Variants in ZSCAN29 observed in about 807,000 individuals in gnomAD.
ZSCAN29 encodes zinc finger and SCAN domain containing 29.
A neutral mutation model predicts 71.9 loss-of-function variants in ZSCAN29; 55 were observed. The observed-to-expected ratio is 0.76, with a 90% CI of 0.62 to 0.96. The LOEUF is 0.96. ZSCAN29 is among the 40% of genes least tolerant of loss of function. The pLI is 0.00. For missense variants in ZSCAN29, 1,042 were observed against 1,042.2 expected (o/e 1.00, Z 0.00); for synonymous variants, 351 against 371.6 (o/e 0.94, Z 0.64).
chr15:43,361,998 G>A (rs1238367101), intron 5 of ZSCAN29, 57 bp from the exon 6 acceptor site: 2 of 1,526,618 alleles, frequency 1.3e-6, no homozygotes, highest in African/African-American at 2.8e-5. Context: ...TGTGCCACAG[G>A]AATGTAAAAC....
Position 43,361,045 on chromosome 15 carries a change from C to G in ZSCAN29, c.*28G>C. The G allele has an allele frequency of 6.5e-7, 1 of 1,544,022 alleles. No individual in the cohort carries two copies. Among genetic ancestry groups the G allele is most frequent in the Non-Finnish European group, 8.7e-7 (1 of 1,146,300 alleles). Reference sequence around the variant, plus strand: ...CTTTCTAAACAATACATTTATTGAGCCTCTTTCCGTTATATATCCTCAGGG... The same window carrying G: ...CTTTCTAAACAATACATTTATTGAGGCTCTTTCCGTTATATATCCTCAGGG... On this transcript the variant is annotated 3_prime_UTR_variant, in exon 6 of 6. Coordinates refer to ENST00000684362, the MANE Select transcript of ZSCAN29 (RefSeq NM_001372080.1).
At position 43,368,918 on chromosome 15, in the gene ZSCAN29, C is replaced by T; in HGVS notation, c.523+5G>A. On this transcript the variant is annotated splice_donor_5th_base_variant and intron_variant, in intron 3 of 5. Coordinates refer to ENST00000684362, the MANE Select transcript of ZSCAN29 (RefSeq NM_001372080.1). ...TCTATCTTCCCATATGAATCTACTC[C>T]TCACCGCTCCTTTGAAAAGGTTTGA... 6.3e-7 allele frequency: 1 copy of T among 1,595,288 alleles called. No individual in the cohort carries two copies. The highest frequency in any genetic ancestry group is 8.5e-7 in the Non-Finnish European group (1 of 1,171,314).
At position 43,361,902 on chromosome 15, in the gene ZSCAN29, C is replaced by G; in HGVS notation, c.1730G>C (p.Arg577Pro). 1.9e-6 allele frequency: 3 copies of G among 1,613,074 alleles called. No individual in the cohort carries two copies. Among genetic ancestry groups the G allele is most frequent in the Non-Finnish European group, 2.5e-6 (3 of 1,179,598 alleles). The change falls in exon 6 of 6, where the codon CGG becomes CCG. Residue 577 changes from arginine to proline, a missense_variant. Transcript: ENST00000684362. The stretch of plus-strand genomic sequence containing the variant: ...CAGTTGTACTTCCTCAGAAATATCC[C>G]GTTTTGAATTATCTTCATTCTCAAA... ...AGFENEDNSK[R>P]DISEEVQLHR...
At position 43,369,097 on chromosome 15, in the gene ZSCAN29, G is replaced by A. The variant is rs779251291; in HGVS notation, c.349C>T (p.Arg117Cys). The part of the protein sequence containing the change: ...VTVSVKGQEV[R>C]LEKMTPPKSS... The stretch of plus-strand genomic sequence containing the variant: ...TTCGGGGGTGTCATCTTCTCCAAGC[G>A]CACTTCCTGCCCCTTCACAGAGACT... The change falls in exon 3 of 6, where the codon CGC (arginine) becomes TGC (cysteine). Residue 117 changes from arginine to cysteine, a missense_variant. Transcript: ENST00000684362. 3.1e-6 allele frequency: 5 copies of A among 1,591,720 alleles called. 1 individual carries two copies. In the South Asian group the frequency reaches 3.4e-5, roughly 11 times the overall value.
At position 43,369,874 on chromosome 15, in the gene ZSCAN29, A is replaced by G; in HGVS notation, c.40T>C (p.Ser14Pro). ...KSALRENGTN[S>P]ETFRQRFRRF... is the part of the protein sequence containing the mutation. Reference sequence around the variant, plus strand: ...CTGAAACGCTGTCGGAAGGTCTCAGAGTTAGTGCCATTCTCTCTTAGAGCT... The same window carrying G: ...CTGAAACGCTGTCGGAAGGTCTCAGGGTTAGTGCCATTCTCTCTTAGAGCT... The change falls in exon 2 of 6, where the codon TCT becomes CCT. Residue 14 changes from serine (S) to proline (P), a missense_variant. Physicochemically the swap from Ser to Pro is moderately conservative, Grantham distance 74. Transcript: ENST00000684362. 6.2e-7 allele frequency: 1 copy of G among 1,611,622 alleles called. No individual in the cohort carries two copies. The highest frequency in any genetic ancestry group is 8.5e-7 in the Non-Finnish European group (1 of 1,179,846).
In ZSCAN29 at chr15:43,364,047, C is replaced by T. The variant is rs750350792; in HGVS notation, c.1558G>A (p.Ala520Thr). 67 of 1,614,056 alleles carry T rather than the reference C, an allele frequency of 4.2e-5. 1 individual carries two copies. The East Asian group carries it at 1.5e-3, about 35-fold the overall frequency. Residue 520 changes from alanine (A) to threonine (T), a missense_variant, in exon 5 of 6, where the codon GCT becomes ACT. Physicochemically the swap from Ala to Thr is moderately conservative, Grantham distance 58. Coordinates refer to ENST00000684362, the MANE Select transcript of ZSCAN29 (RefSeq NM_001372080.1). ...ASCPVQGTSE[A>T]EAQKQAEEAD... Reference sequence around the variant, plus strand: ...TCCTCAGCTTGCTTCTGAGCTTCAGCCTCACTGGTCCCCTGGACGGGGCAA... The same window carrying T: ...TCCTCAGCTTGCTTCTGAGCTTCAGTCTCACTGGTCCCCTGGACGGGGCAA...
In ZSCAN29 at chr15:43,363,958, C is replaced by T; in HGVS notation, c.1647G>A (p.Gly549=). ...DDEEDTEIPP[G]AVITRAPVLF... ...ACACTGGAGCACGGGTTATGACAGC[C>T]CCTGGGGGTATCTCAGTATCCTCTT... The change falls in exon 5 of 6, where the codon GGG becomes GGA. Residue 549 remains glycine (G), a synonymous_variant. Transcript: ENST00000684362. 1.2e-6 allele frequency: 2 copies of T among 1,613,758 alleles called. No homozygotes were observed. The highest frequency in any genetic ancestry group is 1.7e-6 in the Non-Finnish European group (2 of 1,179,786).
rs942284156 is a variant in ZSCAN29 at position 43,360,326 on chromosome 15, AGAGT to A, written c.*743_*746del. 3 of 149,620 alleles carry A rather than the reference AGAGT, an allele frequency of 2.0e-5. No homozygotes were observed. The highest frequency in any genetic ancestry group is 4.4e-5 in the Non-Finnish European group (3 of 67,722). 9.3% of individuals were successfully genotyped at this position (149,620 alleles called of 1,614,324 possible). A position where few individuals can be genotyped will look rare whatever the true frequency, so the allele number is the denominator to read the frequency against. On this transcript the variant is annotated 3_prime_UTR_variant, in exon 6 of 6. Coordinates refer to ENST00000684362, the MANE Select transcript of ZSCAN29 (RefSeq NM_001372080.1). ...GCCACTGCACTCCAGCCTGGACGAC[AGAGT>A]GAGACTCCATCTCGAAAAAAAAAAG...
At position 43,369,077 on chromosome 15, in the gene ZSCAN29, G is replaced by T. The variant is rs944672292; in HGVS notation, c.369C>A (p.Pro123=). Residue 123 remains proline, a synonymous_variant, in exon 3 of 6, where the codon CCC becomes CCA. Coordinates refer to ENST00000684362, the MANE Select transcript of ZSCAN29 (RefSeq NM_001372080.1). Reference sequence around the variant, plus strand: ...TTAATAACTCTTGTGATGATTTCGGGGGTGTCATCTTCTCCAAGCGCACTT... The same window carrying T: ...TTAATAACTCTTGTGATGATTTCGGTGGTGTCATCTTCTCCAAGCGCACTT... ...GQEVRLEKMT[P]PKSSQELLSV... The T allele has an allele frequency of 1.9e-6, 3 of 1,602,284 alleles. No homozygotes were observed. The highest frequency in any genetic ancestry group is 2.3e-5 in the East Asian group (1 of 44,410).
chr15:43,366,763 C>T lies in ZSCAN29; in HGVS notation c.569G>A (p.Gly190Glu). The T allele has an allele frequency of 1.2e-6, 2 of 1,614,056 alleles. No homozygotes were observed. Among genetic ancestry groups the T allele is most frequent in the South Asian group, 1.1e-5 (1 of 91,040 alleles). ...KSGVVSRLEQ[G>E]EPWIPDLLGS... ...CAGCAGATCTGGGATCCATGGCTCT[C>T]CTTGCTCCAACCTGGAGACCACACC... The change falls in exon 4 of 6, where the codon GGA (glycine) becomes GAA (glutamate). Residue 190 changes from glycine (G) to glutamate (E), a missense_variant. Physicochemically the swap from Gly to Glu is moderately conservative, Grantham distance 98. Coordinates refer to ENST00000684362, the MANE Select transcript of ZSCAN29 (RefSeq NM_001372080.1).
Position 43,369,836 on chromosome 15 carries a change from G to C in ZSCAN29, c.78C>G (p.Tyr26Ter). ...CCTCCCGCGGCCCAGCCACCTCCTG[G>C]TAATGGAATCTCCTGAAACGCTGTC... is the stretch of plus-strand genomic sequence containing the variant. ...TFRQRFRRFHYQEVAGPREAF... is the reference protein window; with the variant it reads ...TFRQRFRRFH The change falls in exon 2 of 6, where the codon TAC becomes TAG. Residue 26 changes from tyrosine to a stop codon, truncating the protein, a stop_gained. Transcript: ENST00000684362. LOFTEE classifies it high-confidence loss of function. The C allele has an allele frequency of 6.2e-7, 1 of 1,614,018 alleles. No homozygotes were observed. The highest frequency in any genetic ancestry group is 8.5e-7 in the Non-Finnish European group (1 of 1,180,044).
Position 43,369,800 on chromosome 15 carries a change from T to C in ZSCAN29, c.114A>G (p.Gln38=), listed in dbSNP as rs2044082066. Residue 38 remains glutamine, a synonymous_variant, in exon 2 of 6, where the codon CAA becomes CAG. Coordinates refer to ENST00000684362, the MANE Select transcript of ZSCAN29 (RefSeq NM_001372080.1). ...GCCACCGACAGCAAAGTTCCCAGAG[T>C]TGGCTGAAAGCCTCCCGCGGCCCAG... ...EVAGPREAFS[Q]LWELCCRWLR... 1 of 1,614,166 alleles carries C rather than the reference T, an allele frequency of 6.2e-7. No homozygotes were observed. Among genetic ancestry groups the C allele is most frequent in the Middle Eastern group, 1.6e-4 (1 of 6,062 alleles).
At chr15:43,368,796 A>G in intron 3 of ZSCAN29, 127 bp downstream of exon 3, 1 of 830,396 alleles carries the variant, frequency 1.2e-6, no homozygotes, top group Non-Finnish European at 1.9e-6. Flanking sequence ...AGGCTAAACT[A>G]CATGTCAACA....
Position 43,361,245 on chromosome 15 carries a change from C to G in ZSCAN29, c.2387G>C (p.Gly796Ala). 1 of 1,614,186 alleles carries G rather than the reference C, an allele frequency of 6.2e-7. No individual in the cohort carries two copies. The highest frequency in any genetic ancestry group is 8.5e-7 in the Non-Finnish European group (1 of 1,180,026). ...GTCAGAACTCTTACTGAAACTCTTT[C>G]CACAGTCAGGACACACATGGGGTCT... is the stretch of plus-strand genomic sequence containing the variant. ...GERPHVCPDC[G>A]KSFSKSSDLR... Residue 796 changes from glycine to alanine, a missense_variant, in exon 6 of 6, where the codon GGA (glycine) becomes GCA (alanine). Coordinates refer to ENST00000684362, the MANE Select transcript of ZSCAN29 (RefSeq NM_001372080.1).
intron 4 of ZSCAN29, among the ~76,000 whole-genome samples, chr15:43,365,670 T>G (rs943339812): frequency 1.3e-5 from 2 of 152,162 alleles, no homozygotes; most frequent in African/African-American, 4.8e-5. Flanking sequence ...CTATTCTAAG[T>G]AAAAACGAAT....
At chr15:43,367,500 C>G (rs940594571) in intron 3 of ZSCAN29, among the ~76,000 whole-genome samples, 20 of 152,184 alleles carry the variant, frequency 1.3e-4, no homozygotes, top group Non-Finnish European at 2.8e-4. Flanking sequence ...GCCCATCCTT[C>G]AAGAGGCTGT....
chr15:43,364,155 A>C lies in ZSCAN29; in HGVS notation c.1450T>G (p.Cys484Gly). Residue 484 changes from cysteine (C) to glycine (G), a missense_variant, in exon 5 of 6, where the codon TGT becomes GGT. Transcript: ENST00000684362. ...KVKNGQAPET[C>G]PFFEEMDALV... is the part of the protein sequence containing the mutation. ...GCATCCATCTCTTCAAAGAAGGGAC[A>C]GGTCTCTGGTGCCTGGCCATTCTTA... The C allele has an allele frequency of 6.2e-7, 1 of 1,614,204 alleles. No individual in the cohort carries two copies. Among genetic ancestry groups the C allele is most frequent in the Non-Finnish European group, 8.5e-7 (1 of 1,180,026 alleles).
chr15:43,361,418 C>T lies in ZSCAN29; in HGVS notation c.2214G>A (p.Glu738=), dbSNP rs868086848. The T allele has an allele frequency of 6.2e-7, 1 of 1,613,844 alleles. No individual in the cohort carries two copies. Among genetic ancestry groups the T allele is most frequent in the Non-Finnish European group, 8.5e-7 (1 of 1,179,902 alleles). The stretch of plus-strand genomic sequence containing the variant: ...AGCTCTGATTGAAGCATTTCCCACA[C>T]TCACCACATTGATAAGGTTTCTCTC... The part of the protein sequence containing the change: ...HTGEKPYQCG[E]CGKCFNQSSS... The change falls in exon 6 of 6, where the codon GAG becomes GAA. Residue 738 remains glutamate, a synonymous_variant. Coordinates refer to ENST00000684362, the MANE Select transcript of ZSCAN29 (RefSeq NM_001372080.1).
At chr15:43,368,252 G>A (rs1325951938) in intron 3 of ZSCAN29, among the ~76,000 whole-genome samples, 1 of 53,224 alleles carries the variant, frequency 1.9e-5, no homozygotes, top group Admixed American at 1.6e-4. Flanking sequence ...TTGGCCGGGC[G>A]CGGTGGCTCA....
Sources: allele counts gnomAD v4.1 joint callset (sites outside exome capture counted in the v4.1 genomes callset), GRCh38; gene constraint gnomAD v4.1.1; transcripts MANE v1.5; gene names NCBI Gene and HGNC (gene_info 2026-07-23, HGNC 2026-07-21).